The following CPSF3 variants were observed in gnomAD, a reference collection of about 807,000 sequenced individuals.
CPSF3 encodes cleavage and polyadenylation specific factor 3.
In CPSF3, 57 loss-of-function variants were observed where a neutral mutation model predicts 84.1. The ratio of observed to expected loss-of-function variants is 0.68; its 90% CI spans 0.55 to 0.85. The LOEUF is 0.85. Ranked by LOEUF, CPSF3 falls within the 40% of genes least tolerant of loss-of-function variation. The probability of loss-of-function intolerance (pLI) is 0.00; values close to 1 mark genes in which losing one functional copy is unlikely to be tolerated. For synonymous variants in CPSF3, 275 were observed against 278.1 expected, an observed-to-expected ratio of 0.99 and a Z score of 0.11; for missense variants, 522 against 838.8, an observed-to-expected ratio of 0.62 and a Z score of 4.66.
chr2:9,459,092 AT>A (rs1681634936), intron 14 of CPSF3, among the ~76,000 whole-genome samples: 1 of 151,900 alleles, frequency 6.6e-6, no homozygotes, highest in African/African-American at 2.4e-5. Context: ...AGCCTGGGCA[AT>A]GGGAGCAAAA....
At chr2:9,436,774 A>AAAAAAAAAAAAAAAAAAAAAAT (rs139337028) in intron 7 of CPSF3, among the ~76,000 whole-genome samples, 1 of 143,004 alleles carries the variant, frequency 7.0e-6, no homozygotes, top group African/African-American at 2.6e-5. Flanking sequence ...CCATCTCAAA[A>AAAAAAAAAAAAAAAAAAAAAAT]AATAATAATA....
intron 16 of CPSF3, chr2:9,468,111 TTATTTTA>T: frequency 4.4e-6 from 1 of 225,442 alleles, no homozygotes; most frequent in African/African-American, 2.2e-5. Context: ...TCTTCAAGAA[TTATTTTA>T]TATATTTACT....
Position 9,473,040 on chromosome 2 carries a change from T to G in CPSF3, c.*23T>G, listed in dbSNP as rs752131818. On this transcript the variant is annotated 3_prime_UTR_variant, in exon 18 of 18. Coordinates refer to ENST00000238112, the MANE Select transcript of CPSF3 (RefSeq NM_016207.4). ...TGAGACTGTGCCTGTATATGAACTT[T>G]GAAAAAATACTTGACTCTACTTTTG... 1.3e-6 allele frequency: 2 copies of G among 1,527,926 alleles called. No homozygotes were observed. Among genetic ancestry groups the G allele is most frequent in the South Asian group, 2.3e-5 (2 of 87,384 alleles). 94.6% of individuals were successfully genotyped at this position (1,527,926 alleles called of 1,614,324 possible).
At chr2:9,441,383 A>G (rs769550640) in intron 8 of CPSF3, among the ~76,000 whole-genome samples, 29 of 152,262 alleles carry the variant, frequency 1.9e-4, no homozygotes, top group Non-Finnish European at 3.2e-4. Context: ...TCCCTAGAAC[A>G]ATGTTAAACC....
intron 15 of CPSF3, among the ~76,000 whole-genome samples, chr2:9,463,805 A>C (rs951212844): frequency 2.0e-5 from 3 of 152,198 alleles, no homozygotes; most frequent in African/African-American, 7.2e-5. Flanking sequence ...TTACCGAAAC[A>C]CAGCCGTGCG....
intron 1 of CPSF3, among the ~76,000 whole-genome samples, chr2:9,425,171 C>T (rs765148499): frequency 6.6e-6 from 1 of 152,132 alleles, no homozygotes; most frequent in Non-Finnish European, 1.5e-5. Context: ...GGAAGTGGCA[C>T]ATATGAAAGT....
At chr2:9,452,539 T>C (rs1175357843) in intron 11 of CPSF3, among the ~76,000 whole-genome samples, 1 of 152,184 alleles carries the variant, frequency 6.6e-6, no homozygotes, top group Non-Finnish European at 1.5e-5. Context: ...GGCCTCACTC[T>C]CTGTTATGAG....
intron 7 of CPSF3, among the ~76,000 whole-genome samples, chr2:9,438,560 C>T (rs543657580): frequency 3.5e-5 from 5 of 141,888 alleles, no homozygotes; most frequent in Admixed American, 1.5e-4. Flanking sequence ...AGTGTGGTGG[C>T]GCTATCTCGG....
chr2:9,435,545 C>CT (rs1680748327), intron 6 of CPSF3, among the ~76,000 whole-genome samples: 1 of 151,870 alleles, frequency 6.6e-6, no homozygotes, highest in South Asian at 2.1e-4. Context: ...CCTCAGCCTC[C>CT]TGACTAGCTG....
chr2:9,472,319 CAAA>C (rs35266408), intron 17 of CPSF3, among the ~76,000 whole-genome samples: 29 of 115,798 alleles, frequency 2.5e-4, no homozygotes, highest in Admixed American at 5.6e-4. Context: ...GATTCTGTCT[CAAA>C]AAAAAAAAAA....
At position 9,457,139 on chromosome 2, in the gene CPSF3, GA is replaced by G. The variant is rs949579899; in HGVS notation, c.1698+115del. On this transcript the variant is annotated intron_variant, in intron 14 of 17. Coordinates refer to ENST00000238112, the MANE Select transcript of CPSF3 (RefSeq NM_016207.4). ...CCCAATTAGAAAAAGAATATTGTTG[GA>G]AAGTATATGTGTGTGTGTGTGTGTG... 9.2e-6 allele frequency: 5 copies of G among 542,486 alleles called. No homozygotes were observed. In the African/African-American group the frequency reaches 1.0e-4, roughly 11 times the overall value. 33.6% of individuals were successfully genotyped at this position (542,486 alleles called of 1,614,324 possible). A position where few individuals can be genotyped will look rare whatever the true frequency, so the allele number is the denominator to read the frequency against.
chr2:9,440,657 TA>T lies in CPSF3; in HGVS notation c.929del (p.Asn310ThrfsTer16). 6.2e-7 allele frequency: 1 copy of T among 1,614,146 alleles called. No homozygotes were observed. The highest frequency in any genetic ancestry group is 8.5e-7 in the Non-Finnish European group (1 of 1,180,008). On this transcript the variant is annotated frameshift_variant, in exon 8 of 18. Coordinates refer to ENST00000238112, the MANE Select transcript of CPSF3 (RefSeq NM_016207.4). LOFTEE classifies it high-confidence loss of function. ...NNPFVFKHISNLKSMDHFDDI... is the reference protein window; with the variant it reads ...NNPFVFKHISXLKSMDHFDDI... ...ATCCCTTTGTTTTCAAACACATTAG[TA>T]ACCTCAAGGTGAGTGCTTGTGGAAG...
chr2:9,432,337 AAT>A (rs759245504), intron 4 of CPSF3, among the ~76,000 whole-genome samples, 172 bp from the exon 5 acceptor site: 35 of 100,714 alleles, frequency 3.5e-4, no homozygotes, highest in Non-Finnish European at 6.5e-4. Flanking sequence ...CTATACACAC[AAT>A]AGAGTAAAAA....
In CPSF3 at chr2:9,436,208, TA is replaced by T; in HGVS notation, c.610-2del. On this transcript the variant is annotated splice_acceptor_variant, in intron 6 of 17. Transcript: ENST00000238112. LOFTEE classifies it high-confidence loss of function. ...AGTCTCACACTTCTAATGTATTATTTAGGAATCTACTTATGGGACCCATATC... is the reference window on the plus strand; with the variant it reads ...AGTCTCACACTTCTAATGTATTATTTGGAATCTACTTATGGGACCCATATC... The T allele has an allele frequency of 5.7e-6, 9 of 1,588,304 alleles. No homozygotes were observed. Among genetic ancestry groups the T allele is most frequent in the Non-Finnish European group, 7.7e-6 (9 of 1,169,062 alleles).
chr2:9,472,039 CGTG>C (rs1377077404), intron 17 of CPSF3, among the ~76,000 whole-genome samples: 3 of 142,358 alleles, frequency 2.1e-5, no homozygotes, highest in Non-Finnish European at 4.5e-5. Flanking sequence ...AGAGGCCAGG[CGTG>C]GTGGTTCACG....
At chr2:9,451,674 G>A (rs112187447) in intron 11 of CPSF3, among the ~76,000 whole-genome samples, 5,647 of 151,744 alleles carry the variant, frequency 0.037, 357 homozygotes, top group African/African-American at 0.13. Flanking sequence ...TTCCAGCCTG[G>A]GTGACAGAGC....
intron 15 of CPSF3, among the ~76,000 whole-genome samples, chr2:9,462,004 C>G (rs2124861044): frequency 6.6e-6 from 1 of 152,180 alleles, no homozygotes; most frequent in East Asian, 1.9e-4. Flanking sequence ...TCGTGATCCG[C>G]CTGTGTTGAC....
intron 7 of CPSF3, among the ~76,000 whole-genome samples, chr2:9,437,830 G>A (rs967185642): frequency 3.3e-5 from 5 of 152,130 alleles, no homozygotes; most frequent in Non-Finnish European, 7.4e-5. Flanking sequence ...GCAAGACCCT[G>A]TCTCTACAAA....
chr2:9,467,740 T>C lies in CPSF3; in HGVS notation c.1820T>C (p.Met607Thr). 2 of 1,583,936 alleles carry C rather than the reference T, an allele frequency of 1.3e-6. No homozygotes were observed. The highest frequency in any genetic ancestry group is 2.2e-5 in the South Asian group (2 of 90,576). Residue 607 changes from methionine to threonine, a missense_variant, in exon 16 of 18, where the codon ATG (methionine) becomes ACG (threonine). Physicochemically the swap from Met to Thr is moderately conservative, Grantham distance 81 (BLOSUM62 -1). This residue lies in a region of CPSF3 where 193 missense variants were observed against 231.6 expected (regional missense o/e 0.83). Coordinates refer to ENST00000238112, the MANE Select transcript of CPSF3 (RefSeq NM_016207.4). ...CAGAAGGTTTCTAAAAAATTAGAAA[T>C]GCACGTTTACAGCAAGAGGTTGGAG... ...AVQKVSKKLE[M>T]HVYSKRLEIM... is the part of the protein sequence containing the mutation.
Sources: gnomAD v4.1 joint callset for allele counts (sites outside exome capture counted in the v4.1 genomes callset) on GRCh38, gnomAD v4.1.1 for gene constraint, gnomAD v4.1.1 regional missense constraint, MANE v1.5 for transcripts, NCBI Gene and HGNC (gene_info 2026-07-23, HGNC 2026-07-21) for gene names.